The following UBTF variants were observed in gnomAD, a reference collection of about 807,000 sequenced individuals.
UBTF encodes upstream binding transcription factor.
Under a neutral mutation model 112.3 loss-of-function variants are expected in UBTF, and 8 were observed. That is an observed-to-expected ratio of 0.07 (90% confidence interval 0.04 to 0.13). UBTF has a LOEUF of 0.13. Among genes scored for constraint, UBTF ranks in the 10% least tolerant of loss-of-function variants. UBTF has a pLI of 1.00. For synonymous variants in UBTF, 417 were observed against 373.1 expected (o/e 1.12, Z -1.36); for missense variants, 457 against 982.1 (o/e 0.47, Z 7.15).
chr17:44,210,681 C>T (rs2056610064), intron 13 of UBTF, 111 bp downstream of exon 13: 1 of 1,469,096 alleles, frequency 6.8e-7, no homozygotes, highest in Non-Finnish European at 9.1e-7. Context: ...CGTCCCAGCC[C>T]AGGCACCGCG....
chr17:44,216,790 T>G (rs1239813446), intron 2 of UBTF, 86 bp from the exon 3 acceptor site: 7 of 1,355,456 alleles, frequency 5.2e-6, no homozygotes, highest in Non-Finnish European at 7.3e-6. Flanking sequence ...CAACTCTTCC[T>G]CCCTAGGGCA....
chr17:44,212,643 G>C (rs921620290), intron 7 of UBTF, among the ~76,000 whole-genome samples, 176 bp downstream of exon 7: 1 of 152,172 alleles, frequency 6.6e-6, no homozygotes, highest in African/African-American at 2.4e-5. Flanking sequence ...GCTCATACAC[G>C]CACGCACACA....
intron 17 of UBTF, among the ~76,000 whole-genome samples, chr17:44,208,404 CA>C (rs1244180419): frequency 6.6e-6 from 1 of 152,204 alleles, no homozygotes; most frequent in Non-Finnish European, 1.5e-5. Context: ...TGCGCTGGCC[CA>C]AACCCTAGTA....
chr17:44,217,949 G>A (rs757254696), intron 2 of UBTF, among the ~76,000 whole-genome samples: 27 of 152,224 alleles, frequency 1.8e-4, no homozygotes, highest in Non-Finnish European at 2.6e-4. Flanking sequence ...AACACAGAGG[G>A]TGAGGGACAG....
At chr17:44,208,948 GC>G (rs2056462465) in intron 17 of UBTF, 1 of 341,884 alleles carries the variant, frequency 2.9e-6, no homozygotes. Context: ...GCTTTGGGAG[GC>G]CGAGGTGGGC....
rs1453963376 is a variant in UBTF at position 44,211,504 on chromosome 17, C to G, written c.1047+102G>C. 5 of 1,557,670 alleles carry G rather than the reference C, an allele frequency of 3.2e-6. No individual in the cohort carries two copies. The East Asian group carries it at 9.0e-5, about 28-fold the overall frequency. On this transcript the variant is annotated intron_variant, in intron 10 of 20. Coordinates refer to ENST00000436088, the MANE Select transcript of UBTF (RefSeq NM_014233.4). The surrounding 1 kb of genome is among the most constrained non-coding windows in gnomAD (Gnocchi z 4.9). ...GCCCAGCCCCACACTGTATTGGAGG[C>G]AGGTACCCAAGGCACACGCCACCAG...
At position 44,207,740 on chromosome 17, in the gene UBTF, G is replaced by A; in HGVS notation, c.1984C>T (p.Pro662Ser). The change falls in exon 19 of 21, where the codon CCA (proline) becomes TCA (serine). Residue 662 changes from proline to serine, a missense_variant. Transcript: ENST00000436088. ...KRKSMTKLRG[P>S]NPKSSRTTLQ... Reference sequence around the variant, plus strand: ...GTAGTCCGGCTGGATTTGGGGTTTGGGCCTCGCAGCTTGGTCATGCTCTTA... The same window carrying A: ...GTAGTCCGGCTGGATTTGGGGTTTGAGCCTCGCAGCTTGGTCATGCTCTTA... 1.2e-6 allele frequency: 2 copies of A among 1,614,120 alleles called. No individual in the cohort carries two copies. Among genetic ancestry groups the A allele is most frequent in the South Asian group, 1.1e-5 (1 of 91,082 alleles).
chr17:44,215,323 T>G, intron 5 of UBTF: 2 of 279,300 alleles, frequency 7.2e-6, no homozygotes, highest in Non-Finnish European at 6.8e-6. Context: ...GGAAACGTCA[T>G]AGAGGGTGAA....
At position 44,206,918 on chromosome 17, in the gene UBTF, C is replaced by T. The variant is rs2056275557; in HGVS notation, c.*324G>A. ...TCAAACTCTTTGGGACCCCCCACCC[C>T]CACTCTCCGGTCCATTGTCCATGCC... is the stretch of plus-strand genomic sequence containing the variant. On this transcript the variant is annotated 3_prime_UTR_variant, in exon 21 of 21. Coordinates refer to ENST00000436088, the MANE Select transcript of UBTF (RefSeq NM_014233.4). 2.3e-6 allele frequency: 1 copy of T among 441,210 alleles called. No individual in the cohort carries two copies. The highest frequency in any genetic ancestry group is 3.5e-5 in the East Asian group (1 of 28,646). The allele number at this position is 441,210 out of a possible 1,614,324, so 27.3% of individuals were successfully genotyped here. A position where few individuals can be genotyped will look rare whatever the true frequency, so the allele number is the denominator to read the frequency against.
Position 44,210,395 on chromosome 17 carries a change from T to G in UBTF, c.1438A>C (p.Lys480Gln), listed in dbSNP as rs2056575352. Residue 480 changes from lysine to glutamine, a missense_variant, in exon 14 of 21, where the codon AAG becomes CAG. Lys to Gln is a moderately conservative substitution (Grantham distance 53, BLOSUM62 1). This residue lies in a region of UBTF where 108 missense variants were observed against 137.4 expected (regional missense o/e 0.79). Transcript: ENST00000436088. ...KPGGEREERG[K>Q]LPESPKRAEE... The stretch of plus-strand genomic sequence containing the variant: ...GCTCTTTTGGGGGACTCGGGCAGCT[T>G]GCCCCGTTCCTCGCGCTCCCCGCCG... 2 of 1,614,052 alleles carry G rather than the reference T, an allele frequency of 1.2e-6. No individual in the cohort carries two copies.
chr17:44,219,382 C>T (rs1189953346), intron 1 of UBTF, 63 bp downstream of exon 1: 2 of 151,468 alleles, frequency 1.3e-5, no homozygotes, highest in African/African-American at 4.8e-5. Flanking sequence ...CCCACCGCAC[C>T]CCGCGGTTCG....
chr17:44,212,061 A>G, intron 8 of UBTF, 55 bp from the exon 9 acceptor site: 2 of 916,366 alleles, frequency 2.2e-6, no homozygotes, highest in Non-Finnish European at 3.1e-6. Context: ...TAGCTAGGGC[A>G]GGGGCAGGGG....
chr17:44,210,792 C>T lies in UBTF; in HGVS notation c.1359G>A (p.Lys453=). Reference sequence around the variant, plus strand: ...ACAGCGCTCCGCCAGGCAGCCTGACCTTCTTCTTCTCAGACAGGTCGTTCC... The same window carrying T: ...ACAGCGCTCCGCCAGGCAGCCTGACTTTCTTCTTCTCAGACAGGTCGTTCC... The part of the protein sequence containing the change: ...RMWNDLSEKK[K]AKYKAREAAL... The change falls in exon 13 of 21, where the codon AAG becomes AAA. Residue 453 remains lysine, a splice_region_variant and synonymous_variant. Coordinates refer to ENST00000436088, the MANE Select transcript of UBTF (RefSeq NM_014233.4). 6.4e-7 allele frequency: 1 copy of T among 1,562,482 alleles called. No homozygotes were observed. The highest frequency in any genetic ancestry group is 8.7e-7 in the Non-Finnish European group (1 of 1,152,660).
upstream of UBTF, among the ~76,000 whole-genome samples, chr17:44,220,292 A>G (rs1203065060): frequency 6.6e-6 from 1 of 151,596 alleles, no homozygotes; most frequent in Non-Finnish European, 1.5e-5. Context: ...GGGGGCGCCC[A>G]CAGCCCTGCT....
In UBTF at chr17:44,212,119, C is replaced by T. The variant is rs370367927; in HGVS notation, c.772-113G>A. The T allele has an allele frequency of 1.2e-4, 143 of 1,173,400 alleles. No homozygotes were observed. In the Middle Eastern group the frequency reaches 1.5e-3, roughly 12 times the overall value. The allele number at this position is 1,173,400 out of a possible 1,614,324, so 72.7% of individuals were successfully genotyped here. On this transcript the variant is annotated intron_variant, in intron 8 of 20. Transcript: ENST00000436088. ...CAGGGAGCAAAGCTGGGGGTGGCTG[C>T]GCGTCAGTGGTGTCACACGAGACGT...
chr17:44,218,942 C>A (rs1361645845), intron 1 of UBTF: 1 of 151,006 alleles, frequency 6.6e-6, no homozygotes, highest in Non-Finnish European at 1.5e-5. Flanking sequence ...GCCTAGCCTG[C>A]CCCCCGCCCC....
At chr17:44,219,856 G>A (rs1270780673), upstream of UBTF, 2 of 150,514 alleles carry the variant, frequency 1.3e-5, no homozygotes, top group Non-Finnish European at 3.0e-5. Flanking sequence ...CTTCCCCGTA[G>A]AGCGCACACC....
At chr17:44,220,039 TGGC>T (rs1161361017), upstream of UBTF, among the ~76,000 whole-genome samples, 2 of 109,296 alleles carry the variant, frequency 1.8e-5, no homozygotes, top group Non-Finnish European at 3.6e-5. Flanking sequence ...GTGGTGGTGC[TGGC>T]GGCGGCGGCG....
At chr17:44,220,733 C>G (rs1178521995), upstream of UBTF, 1 of 151,852 alleles carries the variant, frequency 6.6e-6, no homozygotes, top group Non-Finnish European at 1.5e-5. Flanking sequence ...CTCCCGGGCT[C>G]ACTTACCGAG....
Sources: gnomAD v4.1 joint callset for allele counts (sites outside exome capture counted in the v4.1 genomes callset) on GRCh38, gnomAD v4.1.1 for gene constraint, gnomAD v4.1.1 regional missense constraint, Gnocchi (gnomAD v3.1) non-coding constraint, MANE v1.5 for transcripts, NCBI Gene and HGNC (gene_info 2026-07-23, HGNC 2026-07-21) for gene names.